Variants in TCP11 observed in about 807,000 individuals in gnomAD.
TCP11 encodes t-complex 11.
In TCP11, 34 loss-of-function variants were observed where a neutral mutation model predicts 45.0. The ratio of observed to expected loss-of-function variants is 0.76; its 90% CI spans 0.57 to 1.01. The LOEUF (loss-of-function observed/expected upper bound fraction) is 1.01. TCP11 is among the 50% of genes least tolerant of loss of function. TCP11 has a pLI of 0.00. For missense variants in TCP11, 523 were observed against 598.1 expected (o/e 0.87, Z 1.31); for synonymous variants, 227 against 227.0 (o/e 1.00, Z 0.00).
intron 4 of TCP11, among the ~76,000 whole-genome samples, chr6:35,126,805 T>C (rs1421886711): frequency 6.6e-6 from 1 of 151,876 alleles, no homozygotes; most frequent in African/African-American, 2.4e-5. Flanking sequence ...AATAGAGGCA[T>C]GTACCACCAC....
intron 2 of TCP11, chr6:35,140,260 T>C (rs1781573157): frequency 6.8e-6 from 10 of 1,462,320 alleles, no homozygotes; most frequent in Non-Finnish European, 8.3e-6. Flanking sequence ...TGAGTCCCAG[T>C]GAGACTGGAC....
rs769340402 is a variant in TCP11, at chr6:35,120,976, G to A, written c.648C>T (p.Pro216=). 1 of 1,614,008 alleles carries A rather than the reference G, an allele frequency of 6.2e-7. No individual in the cohort carries two copies. The highest frequency in any genetic ancestry group is 1.7e-5 in the Admixed American group (1 of 60,026). The change falls in exon 6 of 10, where the codon CCC becomes CCT. Residue 216 remains proline (P), a synonymous_variant. Coordinates refer to ENST00000311875, the MANE Select transcript of TCP11 (RefSeq NM_001370687.1). This position sits in a 1 kb window ranked among gnomAD's most constrained non-coding sequence, Gnocchi z 4.9. Reference sequence around the variant, plus strand: ...ACTGAATGGAATGTTCCTGCAGGTGGGGTTGAAGGCTCTGGATAGTGTAGT... The same window carrying A: ...ACTGAATGGAATGTTCCTGCAGGTGAGGTTGAAGGCTCTGGATAGTGTAGT... ...MVNYTIQSLQ[P]HLQEHSIQYE... is the part of the protein sequence containing the mutation.
At chr6:35,126,676 T>G (rs1581819768) in intron 4 of TCP11, among the ~76,000 whole-genome samples, 1 of 78,062 alleles carries the variant, frequency 1.3e-5, no homozygotes, top group South Asian at 4.0e-4. Flanking sequence ...TTTTTTTTTT[T>G]GAGACAGGGT....
Position 35,120,180 on chromosome 6 carries a change from A to G in TCP11, c.1094T>C (p.Leu365Ser), listed in dbSNP as rs1315995243. Reference protein sequence around the residue: ...VDKLKRITKSLLEDFHSRPEE... With the variant: ...VDKLKRITKSSLEDFHSRPEE... ...TCACCTGGAGTGAAAGTCTTCCAAC[A>G]AGGATTTGGTTATGCGTTTCAGTTT... The change falls in exon 8 of 10, where the codon TTG becomes TCG. Residue 365 changes from leucine to serine, a missense_variant. Transcript: ENST00000311875. The surrounding 1 kb of genome is among the most constrained non-coding windows in gnomAD (Gnocchi z 4.9). 1.2e-6 allele frequency: 2 copies of G among 1,614,158 alleles called. No individual in the cohort carries two copies. Among genetic ancestry groups the G allele is most frequent in the East Asian group, 2.2e-5 (1 of 44,894 alleles).
At chr6:35,127,485 A>G (rs1170580586) in intron 4 of TCP11, among the ~76,000 whole-genome samples, 1 of 152,246 alleles carries the variant, frequency 6.6e-6, no homozygotes, top group Non-Finnish European at 1.5e-5. Flanking sequence ...TATGGAATGA[A>G]TGAATCGTGG....
At chr6:35,135,619 C>T (rs1374710071) in intron 3 of TCP11, among the ~76,000 whole-genome samples, 1 of 57,610 alleles carries the variant, frequency 1.7e-5, no homozygotes, top group Non-Finnish European at 3.4e-5. Context: ...GACCCCATCT[C>T]TAAAAAAAAA....
chr6:35,134,173 G>A (rs1259671361), intron 3 of TCP11, among the ~76,000 whole-genome samples: 1 of 152,020 alleles, frequency 6.6e-6, no homozygotes, highest in Non-Finnish European at 1.5e-5. Context: ...TATCCAAGAG[G>A]GATTGGTTCC....
At chr6:35,130,541 G>C (rs1780298200) in intron 3 of TCP11, among the ~76,000 whole-genome samples, 1 of 151,880 alleles carries the variant, frequency 6.6e-6, no homozygotes, top group Non-Finnish European at 1.5e-5. Context: ...ATAGGCCAAA[G>C]ACCTTAACAG....
chr6:35,120,269 T>C lies in TCP11; in HGVS notation c.1005A>G (p.Ser335=). 1.9e-6 allele frequency: 3 copies of C among 1,614,258 alleles called. No individual in the cohort carries two copies. Among genetic ancestry groups the C allele is most frequent in the Non-Finnish European group, 2.5e-6 (3 of 1,180,046 alleles). The stretch of plus-strand genomic sequence containing the variant: ...AGAAACTACTGGCCACCAGCAAGAC[T>C]GAGGCCATGACGGTTAACTGGTGCA... ...SQLHQLTVMA[S]VLLVASSFSG... The change falls in exon 8 of 10, where the codon TCA becomes TCG. Residue 335 remains serine, a synonymous_variant. Coordinates refer to ENST00000311875, the MANE Select transcript of TCP11 (RefSeq NM_001370687.1). The surrounding 1 kb of genome is among the most constrained non-coding windows in gnomAD (Gnocchi z 4.9).
At chr6:35,140,531 AG>A in intron 2 of TCP11, 1 of 658,382 alleles carries the variant, frequency 1.5e-6, no homozygotes, top group Non-Finnish European at 2.8e-6. Context: ...GTCAGATTCA[AG>A]TAATCACGCT....
chr6:35,120,026 C>A lies in TCP11; in HGVS notation c.1115+133G>T. 8.3e-7 allele frequency: 1 copy of A among 1,200,308 alleles called. No homozygotes were observed. Among genetic ancestry groups the A allele is most frequent in the Non-Finnish European group, 1.1e-6 (1 of 882,710 alleles). The allele number at this position is 1,200,308 out of a possible 1,614,324, so 74.4% of individuals were successfully genotyped here. ...CTCATGACCACTTATGGAAAGAAAC[C>A]AACAATCTTTGTAGATGGTTCCACA... On this transcript the variant is annotated intron_variant, in intron 8 of 9. Coordinates refer to ENST00000311875, the MANE Select transcript of TCP11 (RefSeq NM_001370687.1). This position sits in a 1 kb window ranked among gnomAD's most constrained non-coding sequence, Gnocchi z 4.9.
In TCP11 at chr6:35,120,445, T is replaced by C. The variant is rs1779107415; in HGVS notation, c.917A>G (p.Asn306Ser). The part of the protein sequence containing the change: ...FLNLLLWDLE[N>S]EEFPETLLMD... ...CATTCCTACCTCAGGGAACTCTTCA[T>C]TTTCAAGGTCCCAGAGAAGGAGGTT... Residue 306 changes from asparagine (N) to serine (S), a missense_variant, in exon 7 of 10, where the codon AAT (asparagine) becomes AGT (serine). Physicochemically the swap from Asn to Ser is conservative, Grantham distance 46. This residue lies in a region of TCP11 where 298 missense variants were observed against 387.9 expected (regional missense o/e 0.77). Coordinates refer to ENST00000311875, the MANE Select transcript of TCP11 (RefSeq NM_001370687.1). This position sits in a 1 kb window ranked among gnomAD's most constrained non-coding sequence, Gnocchi z 4.9. 1.9e-6 allele frequency: 3 copies of C among 1,594,414 alleles called. No homozygotes were observed. The highest frequency in any genetic ancestry group is 8.5e-7 in the Non-Finnish European group (1 of 1,170,114).
intron 4 of TCP11, among the ~76,000 whole-genome samples, chr6:35,126,389 C>T (rs1321926990): frequency 6.6e-6 from 1 of 152,154 alleles, no homozygotes. Context: ...CACAGAATGC[C>T]TTATCAGCTG....
intron 4 of TCP11, 124 bp downstream of exon 4, chr6:35,128,938 C>T: frequency 1.6e-6 from 2 of 1,229,334 alleles, no homozygotes; most frequent in Non-Finnish European, 1.1e-6. Flanking sequence ...TGTATGATTT[C>T]TGTCTATTGC....
chr6:35,134,889 C>T (rs1192181688), intron 3 of TCP11, among the ~76,000 whole-genome samples: 2 of 151,878 alleles, frequency 1.3e-5, no homozygotes. Flanking sequence ...CGGTGGCTCA[C>T]GCCTGTAATG....
intron 3 of TCP11, among the ~76,000 whole-genome samples, chr6:35,135,564 C>T (rs376231997): frequency 6.7e-6 from 1 of 149,244 alleles, no homozygotes; most frequent in African/African-American, 2.5e-5. Context: ...GGTGGGAGGA[C>T]TGCTTGAGCC....
At position 35,132,803 on chromosome 6, in the gene TCP11, C is replaced by T. The variant is rs959405270; in HGVS notation, c.236+3304G>A. Among the ~76,000 whole-genome samples the T allele has an allele frequency of 5.9e-5, 9 of 152,232 alleles. 1 individual carries two copies. Among genetic ancestry groups the T allele is most frequent in the African/African-American group, 2.2e-4 (9 of 41,458 alleles). The stretch of plus-strand genomic sequence containing the variant: ...ACCCCTCTATCCCTCCATACGCCTG[C>T]AACTCCCTCACCACCACCCTATCAC... On this transcript the variant is annotated intron_variant, in intron 3 of 9. Coordinates refer to ENST00000311875, the MANE Select transcript of TCP11 (RefSeq NM_001370687.1).
chr6:35,138,022 G>A (rs1266044922), intron 2 of TCP11, among the ~76,000 whole-genome samples: 1 of 152,190 alleles, frequency 6.6e-6, no homozygotes, highest in African/African-American at 2.4e-5. Flanking sequence ...AATATTTAGA[G>A]GTAAAGTCAT....
intron 3 of TCP11, 108 bp downstream of exon 3, chr6:35,135,999 A>G (rs1283426113): frequency 4.3e-6 from 3 of 704,166 alleles, no homozygotes; most frequent in Non-Finnish European, 6.9e-6. Flanking sequence ...TCAAGTTTAA[A>G]TACTCATTGT....
Sources: gnomAD v4.1 joint callset for allele counts (sites outside exome capture counted in the v4.1 genomes callset) on GRCh38, gnomAD v4.1.1 for gene constraint, gnomAD v4.1.1 regional missense constraint, Gnocchi (gnomAD v3.1) non-coding constraint, MANE v1.5 for transcripts, NCBI Gene and HGNC (gene_info 2026-07-23, HGNC 2026-07-21) for gene names.